IL5: variants seen among roughly 807,000 people sequenced by gnomAD.
IL5 encodes the protein interleukin-5.
IL5 carries 12 observed loss-of-function variants against 16.3 expected under a neutral mutation model. The observed-to-expected ratio is 0.74, with a 90% CI of 0.47 to 1.20. IL5 has a LOEUF of 1.20. Among genes scored for constraint, IL5 ranks in the 50% most tolerant of loss-of-function variants. The pLI is 0.00. For synonymous variants in IL5, 54 were observed against 56.6 expected (o/e 0.95, Z 0.21); for missense variants, 159 against 153.9 (o/e 1.03, Z -0.17).
Position 132,542,002 on chromosome 5 carries a change from G to A in IL5, c.306+13C>T. On this transcript the variant is annotated intron_variant, in intron 3 of 3. Transcript: ENST00000231454. ...CAGACAAATATAGCTTCCATTGAAT[G>A]TGTGTAACTTACTTTTTGGCCGTCA... The A allele has an allele frequency of 1.9e-6, 3 of 1,613,680 alleles. No homozygotes were observed. The highest frequency in any genetic ancestry group is 2.5e-6 in the Non-Finnish European group (3 of 1,179,740).
At chr5:132,553,408 A>C (rs186831707) in intron 1 of IL5, among the ~76,000 whole-genome samples, 136 of 152,312 alleles carry the variant, frequency 8.9e-4, no homozygotes, top group African/African-American at 3.1e-3. Context: ...TCATGCTAAG[A>C]CCAGAGACAA....
chr5:132,546,303 T>G (rs2149824621), upstream of IL5, among the ~76,000 whole-genome samples: 1 of 152,154 alleles, frequency 6.6e-6, no homozygotes. Flanking sequence ...AAACAACAGC[T>G]CCCAACCCCC....
At chr5:132,542,189 T>C (rs766296389) in intron 2 of IL5, 46 bp from the exon 3 acceptor site, 2 of 1,563,806 alleles carry the variant, frequency 1.3e-6, no homozygotes, top group African/African-American at 1.4e-5. Context: ...AGACAAGGTA[T>C]AAAAATTTGG....
At chr5:132,545,210 C>G (rs1185109802), upstream of IL5, among the ~76,000 whole-genome samples, 1 of 152,102 alleles carries the variant, frequency 6.6e-6, no homozygotes, top group African/African-American at 2.4e-5. Context: ...CTTTCTCTTC[C>G]CAGAGAATAT....
At position 132,543,357 on chromosome 5, in the gene IL5, C is replaced by T. The variant is rs201066544; in HGVS notation, c.122G>A (p.Arg41Gln). The change falls in exon 1 of 4, where the codon CGA (arginine) becomes CAA (glutamine). Residue 41 changes from arginine (R) to glutamine (Q), a missense_variant. By Grantham distance (43) the Arg-to-Gln change is conservative (BLOSUM62 1). Transcript: ENST00000231454. ...TACCTCATTGGCTATCAGCAGAGTT[C>T]GATGAGTAGAAAGCAGTGCCAAGGT... ...KETLALLSTHRTLLIANETLR... is the reference protein window; with the variant it reads ...KETLALLSTHQTLLIANETLR... 59 of 1,614,144 alleles carry T rather than the reference C, an allele frequency of 3.7e-5. 2 individuals are homozygous for T. The East Asian group carries it at 5.3e-4, about 15-fold the overall frequency.
chr5:132,543,597 G>A, upstream of IL5: 1 of 984,054 alleles, frequency 1.0e-6, no homozygotes, highest in Non-Finnish European at 1.4e-6. Context: ...ATCAGATAGA[G>A]AATGCCTAAT....
rs1580970549 is a variant in IL5 at position 132,553,021 on chromosome 5, T to C, written c.42+3653A>G. On this transcript the variant is annotated intron_variant, in intron 1 of 2. Transcript: ENST00000450655. ...TTTATTATCTAATTTCCAGTCTACATTGAAATTTCCCTACTTATCTCCCAA... is the reference window on the plus strand; with the variant it reads ...TTTATTATCTAATTTCCAGTCTACACTGAAATTTCCCTACTTATCTCCCAA... Among the ~76,000 whole-genome samples, 8 of 152,318 alleles carry C rather than the reference T, an allele frequency of 5.3e-5. 1 individual carries two copies. The highest frequency in any genetic ancestry group is 4.6e-4 in the Admixed American group (7 of 15,294).
At chr5:132,543,761 T>C (rs1278358776), upstream of IL5, 1 of 252,382 alleles carries the variant, frequency 4.0e-6, no homozygotes, top group Non-Finnish European at 7.5e-6. Context: ...TGCCCCACAT[T>C]TGCATTTCTT....
intron 2 of IL5, among the ~76,000 whole-genome samples, 184 bp from the exon 3 acceptor site, chr5:132,542,327 T>A (rs1189927463): frequency 6.6e-6 from 1 of 152,174 alleles, no homozygotes; most frequent in Non-Finnish European, 1.5e-5. Context: ...AAGTTAGGCT[T>A]TGTTTTGTGG....
At chr5:132,548,699 G>T (rs1014242423) in intron 1 of IL5, among the ~76,000 whole-genome samples, 1 of 152,128 alleles carries the variant, frequency 6.6e-6, no homozygotes, top group Non-Finnish European at 1.5e-5. Flanking sequence ...ATGGAATGAC[G>T]CCCTATCCAG....
chr5:132,545,124 G>A (rs1749763453), upstream of IL5, among the ~76,000 whole-genome samples: 1 of 152,152 alleles, frequency 6.6e-6, no homozygotes. Flanking sequence ...ATTTTCGGGA[G>A]TAGGAATCAC....
At chr5:132,552,495 A>G (rs1248308791) in intron 1 of IL5, among the ~76,000 whole-genome samples, 1 of 152,114 alleles carries the variant, frequency 6.6e-6, no homozygotes, top group Non-Finnish European at 1.5e-5. Flanking sequence ...TTCCACCCCA[A>G]TCCTAGAGCT....
At chr5:132,547,170 A>G (rs1248472807), upstream of IL5, among the ~76,000 whole-genome samples, 1 of 152,234 alleles carries the variant, frequency 6.6e-6, no homozygotes, top group East Asian at 1.9e-4. Context: ...TAAGAGTGGG[A>G]TATACAGAGT....
In IL5 at chr5:132,541,772, C is replaced by A. The variant is rs762150650; in HGVS notation, c.*39G>T. On this transcript the variant is annotated 3_prime_UTR_variant, in exon 4 of 4. Coordinates refer to ENST00000231454, the MANE Select transcript of IL5 (RefSeq NM_000879.3). ...ATTCTCACTGCAGTAAAATGTCCTT[C>A]TCCTCCAAAATCTTTGGCTGCAACA... The A allele has an allele frequency of 3.7e-6, 5 of 1,347,932 alleles. No individual in the cohort carries two copies. In the African/African-American group the frequency reaches 7.2e-5, roughly 20 times the overall value. 83.5% of individuals were successfully genotyped at this position (1,347,932 alleles called of 1,614,324 possible). A position where few individuals can be genotyped will look rare whatever the true frequency, so the allele number is the denominator to read the frequency against.
At chr5:132,544,437 G>A (rs1346461348), upstream of IL5, among the ~76,000 whole-genome samples, 1 of 152,220 alleles carries the variant, frequency 6.6e-6, no homozygotes, top group African/African-American at 2.4e-5. Flanking sequence ...TGGGGTCCCA[G>A]TAGTAAGGGG....
Position 132,554,212 on chromosome 5 carries a change from A to T in IL5, c.42+2462T>A, listed in dbSNP as rs950667788. On this transcript the variant is annotated intron_variant, in intron 1 of 2. Transcript: ENST00000450655. Reference sequence around the variant, plus strand: ...GAAACCCCGTCTCTACTAAAAATACAAAAAATTAGCCAGGTGTGGTGCCAC... The same window carrying T: ...GAAACCCCGTCTCTACTAAAAATACTAAAAATTAGCCAGGTGTGGTGCCAC... Among the ~76,000 whole-genome samples, 26 of 151,810 alleles carry T rather than the reference A, an allele frequency of 1.7e-4. 1 individual carries two copies. Among genetic ancestry groups the T allele is most frequent in the Non-Finnish European group, 4.4e-5 (3 of 67,922 alleles).
In IL5 at chr5:132,543,463, G is replaced by C. The variant is rs185977955; in HGVS notation, c.16C>G (p.His6Asp). The C allele has an allele frequency of 1.2e-6, 2 of 1,614,110 alleles. No individual in the cohort carries two copies. The highest frequency in any genetic ancestry group is 4.5e-5 in the East Asian group (2 of 44,876). The change falls in exon 1 of 4, where the codon CAT becomes GAT. Residue 6 changes from histidine (H) to aspartate (D), a missense_variant. His to Asp is a moderately conservative substitution (Grantham distance 81, BLOSUM62 -1). Transcript: ENST00000231454. MRMLL[H>D]LSLLALGAAY... ...GCTCCAAGAGCTAGCAAACTCAAAT[G>C]CAGAAGCATCCTCATGGCTCTGAAA...
intron 1 of IL5, among the ~76,000 whole-genome samples, chr5:132,551,930 A>G (rs1749888699): frequency 6.6e-6 from 1 of 152,188 alleles, no homozygotes; most frequent in African/African-American, 2.4e-5. Flanking sequence ...AAGCTCATGT[A>G]CCAATATTAA....
At chr5:132,552,426 G>A (rs959712730) in intron 1 of IL5, among the ~76,000 whole-genome samples, 1 of 152,088 alleles carries the variant, frequency 6.6e-6, no homozygotes, top group Non-Finnish European at 1.5e-5. Context: ...ACTAAGAAGT[G>A]GAGACTTCAC....
Sources: gnomAD v4.1 joint callset for allele counts (sites outside exome capture counted in the v4.1 genomes callset) on GRCh38, gnomAD v4.1.1 for gene constraint, MANE v1.5 for transcripts, NCBI Gene and HGNC (gene_info 2026-07-23, HGNC 2026-07-21) for gene names.